KCNH5: variants seen among roughly 807,000 people sequenced by gnomAD.
KCNH5 encodes potassium voltage-gated channel subfamily H member 5.
A neutral mutation model predicts 96.1 loss-of-function variants in KCNH5; 46 were observed. The observed-to-expected ratio is 0.48, with a 90% CI of 0.38 to 0.61. KCNH5 has a LOEUF of 0.61. Ranked by LOEUF, KCNH5 falls within the 20% of genes least tolerant of loss-of-function variation. The pLI, the probability that KCNH5 is intolerant of heterozygous loss-of-function variation, is 0.00. For missense variants in KCNH5, 907 were observed against 1,225.8 expected (o/e 0.74, Z 3.88); for synonymous variants, 439 against 449.8 (o/e 0.98, Z 0.30).
At chr14:62,747,327 CTT>C (rs1175168064) in intron 10 of KCNH5, among the ~76,000 whole-genome samples, 1 of 151,068 alleles carries the variant, frequency 6.6e-6, no homozygotes, top group Non-Finnish European at 1.5e-5. Context: ...AAGAGTGAAA[CTT>C]TGTCTCAAAA....
intron 5 of KCNH5, among the ~76,000 whole-genome samples, chr14:62,982,344 T>C (rs755349101): frequency 3.6e-4 from 54 of 151,718 alleles, no homozygotes; most frequent in Non-Finnish European, 6.9e-4. Context: ...AAAAAGACAG[T>C]TGAAGGGATA....
chr14:62,906,527 T>A (rs897858152), intron 7 of KCNH5, among the ~76,000 whole-genome samples: 2 of 152,194 alleles, frequency 1.3e-5, no homozygotes, highest in African/African-American at 2.4e-5. Context: ...GAGAATAATC[T>A]ATCTTCCTTT....
Position 63,045,378 on chromosome 14 carries a change from C to G in KCNH5, c.-192G>C. 4 of 612,990 alleles carry G rather than the reference C, an allele frequency of 6.5e-6. No homozygotes were observed. Among genetic ancestry groups the G allele is most frequent in the Non-Finnish European group, 1.2e-5 (4 of 341,098 alleles). 38.0% of individuals were successfully genotyped at this position (612,990 alleles called of 1,614,324 possible). A position where few individuals can be genotyped will look rare whatever the true frequency, so the allele number is the denominator to read the frequency against. ...GATGAGCAGCTCTGGGGAGGAGGAC[C>G]AGGCAGTTCATGGTAGTAGCGCTCC... On this transcript the variant is annotated 5_prime_UTR_variant, in exon 1 of 11. Coordinates refer to ENST00000322893, the MANE Select transcript of KCNH5 (RefSeq NM_139318.5).
chr14:62,822,236 T>C (rs975541847), intron 8 of KCNH5, among the ~76,000 whole-genome samples: 4 of 152,082 alleles, frequency 2.6e-5, no homozygotes, highest in African/African-American at 9.7e-5. Context: ...CTTATAAAAA[T>C]CCCAGAAAAT....
chr14:62,827,782 T>C (rs1887256900), intron 8 of KCNH5, among the ~76,000 whole-genome samples: 1 of 152,016 alleles, frequency 6.6e-6, no homozygotes, highest in Non-Finnish European at 1.5e-5. Context: ...GGGCCAGATA[T>C]GTAGCTTTGG....
intron 10 of KCNH5, among the ~76,000 whole-genome samples, chr14:62,735,588 G>C (rs138571601): frequency 6.6e-6 from 1 of 151,920 alleles, no homozygotes; most frequent in Non-Finnish European, 1.5e-5. Flanking sequence ...TATAATAGGC[G>C]GTACTCCACC....
intron 9 of KCNH5, among the ~76,000 whole-genome samples, chr14:62,790,288 G>A (rs1026089212): frequency 5.3e-4 from 81 of 151,692 alleles, no homozygotes; most frequent in African/African-American, 1.6e-3. Context: ...GTACCATACC[G>A]TTTTAATTAC....
At chr14:62,836,474 T>C (rs1887468922) in intron 8 of KCNH5, among the ~76,000 whole-genome samples, 2 of 152,110 alleles carry the variant, frequency 1.3e-5, no homozygotes. Flanking sequence ...ATTATTTGGC[T>C]TCAGAGTACT....
Position 62,779,937 on chromosome 14 carries a change from A to G in KCNH5, c.1823-13T>C. ...ACATCACCCTTCCCTAGAAAACAGT[A>G]TAAGATACATATTCAAGTATCTAAC... is the stretch of plus-strand genomic sequence containing the variant. On this transcript the variant is annotated splice_polypyrimidine_tract_variant and intron_variant, in intron 9 of 10. Coordinates refer to ENST00000322893, the MANE Select transcript of KCNH5 (RefSeq NM_139318.5). The G allele has an allele frequency of 6.3e-7, 1 of 1,595,748 alleles. No homozygotes were observed. Among genetic ancestry groups the G allele is most frequent in the Non-Finnish European group, 8.6e-7 (1 of 1,168,544 alleles).
chr14:62,813,066 C>T (rs1189432739), intron 8 of KCNH5, among the ~76,000 whole-genome samples: 7 of 152,070 alleles, frequency 4.6e-5, no homozygotes, highest in Admixed American at 3.9e-4. Flanking sequence ...TGTCTAAGCA[C>T]AAATTTTTAG....
chr14:62,975,367 A>T (rs1347261016), intron 6 of KCNH5, among the ~76,000 whole-genome samples: 1 of 152,190 alleles, frequency 6.6e-6, no homozygotes, highest in African/African-American at 2.4e-5. Flanking sequence ...ATAAAGAGCC[A>T]ATCTATAGGA....
At chr14:63,026,903 T>A (rs913599304) in intron 1 of KCNH5, among the ~76,000 whole-genome samples, 1 of 152,052 alleles carries the variant, frequency 6.6e-6, no homozygotes, top group Non-Finnish European at 1.5e-5. Context: ...ATCTGCATGC[T>A]CATGGTTATT....
intron 4 of KCNH5, among the ~76,000 whole-genome samples, chr14:62,995,740 A>G (rs1209833016): frequency 6.6e-6 from 1 of 152,080 alleles, no homozygotes; most frequent in Non-Finnish European, 1.5e-5. Flanking sequence ...CTCTCAGTTG[A>G]TAACTGTGAT....
chr14:62,739,473 T>G (rs984485015), intron 10 of KCNH5, among the ~76,000 whole-genome samples: 1 of 152,094 alleles, frequency 6.6e-6, no homozygotes, highest in African/African-American at 2.4e-5. Context: ...TGTGTTAGAG[T>G]ATGTAGGCAT....
At chr14:62,857,102 TG>T (rs1334642338) in intron 7 of KCNH5, among the ~76,000 whole-genome samples, 1 of 152,168 alleles carries the variant, frequency 6.6e-6, no homozygotes, top group Non-Finnish European at 1.5e-5. Context: ...TTACCATAAC[TG>T]ACTTTGTCAA....
Position 62,728,390 on chromosome 14 carries a change from GAA to G in KCNH5, c.2020-19937_2020-19936del, listed in dbSNP as rs5809167. ...AGACAGAGCAAGATTCTGTCTCAAA[GAA>G]AAAAAAAAAAAAAATGAGAAAAAGA... On this transcript the variant is annotated intron_variant, in intron 10 of 10. Transcript: ENST00000322893. Among the ~76,000 whole-genome samples, 631 of 127,688 alleles carry G rather than the reference GAA, an allele frequency of 4.9e-3. 2 individuals carry two copies. The highest frequency in any genetic ancestry group is 0.024 in the Middle Eastern group (6 of 252). The allele number at this position is 127,688 out of a possible 152,430, so 83.8% of individuals were successfully genotyped here. A position where few individuals can be genotyped will look rare whatever the true frequency, so the allele number is the denominator to read the frequency against.
At chr14:62,711,128 C>T (rs1884557408) in intron 10 of KCNH5, among the ~76,000 whole-genome samples, 1 of 152,020 alleles carries the variant, frequency 6.6e-6, no homozygotes. Context: ...TGTGTGCTTA[C>T]CAAGTTCAGG....
intron 7 of KCNH5, among the ~76,000 whole-genome samples, chr14:62,902,844 C>A (rs919204642): frequency 6.6e-6 from 1 of 151,838 alleles, no homozygotes; most frequent in Admixed American, 6.5e-5. Flanking sequence ...CTCAGCCTCC[C>A]GAGTAGCTGG....
intron 3 of KCNH5, among the ~76,000 whole-genome samples, chr14:63,003,227 A>C (rs1223776859): frequency 6.6e-6 from 1 of 151,508 alleles, no homozygotes; most frequent in African/African-American, 2.4e-5. Flanking sequence ...TTTCCAAGCC[A>C]CAGGGTCATA....
Sources: allele counts gnomAD v4.1 joint callset (sites outside exome capture counted in the v4.1 genomes callset), GRCh38; gene constraint gnomAD v4.1.1; transcripts MANE v1.5; gene names NCBI Gene and HGNC (gene_info 2026-07-23, HGNC 2026-07-21).